The following SYT16 variants were observed in gnomAD, a reference collection of about 807,000 sequenced individuals.
The protein encoded by SYT16 is synaptotagmin-16.
A neutral mutation model predicts 61.4 loss-of-function variants in SYT16; 42 were observed. The ratio of observed to expected loss-of-function variants is 0.68; its 90% CI spans 0.53 to 0.89. The LOEUF is 0.89. Among genes scored for constraint, SYT16 ranks in the 40% least tolerant of loss-of-function variants. SYT16 has a pLI of 0.00. For missense variants in SYT16, 804 were observed against 807.3 expected (o/e 1.00, Z 0.05); for synonymous variants, 314 against 302.3 (o/e 1.04, Z -0.40).
At position 62,042,067 on chromosome 14, in the gene SYT16, C is replaced by T. The variant is rs536210277; in HGVS notation, c.524-27536C>T. Among the ~76,000 whole-genome samples, 5 of 152,212 alleles carry T rather than the reference C, an allele frequency of 3.3e-5. No homozygotes were observed. In the South Asian group the frequency reaches 1.0e-3, roughly 32 times the overall value. Reference sequence around the variant, plus strand: ...ATATAGTAATATAAACTGTCCTTTCCTACTAATTATTCTCTGTGTAATTTC... The same window carrying T: ...ATATAGTAATATAAACTGTCCTTTCTTACTAATTATTCTCTGTGTAATTTC... On this transcript the variant is annotated intron_variant, in intron 3 of 7. Transcript: ENST00000683842.
intron 1 of SYT16, among the ~76,000 whole-genome samples, chr14:61,915,254 C>G (rs1483786234): frequency 6.6e-6 from 1 of 152,070 alleles, no homozygotes; most frequent in Non-Finnish European, 1.5e-5. Flanking sequence ...AAGGGTATAG[C>G]AGTGATGGCA....
chr14:61,995,075 G>A (rs1022531472), intron 2 of SYT16, among the ~76,000 whole-genome samples: 3 of 152,144 alleles, frequency 2.0e-5, no homozygotes, highest in African/African-American at 7.2e-5. Flanking sequence ...ACACACATAT[G>A]TGTATGTATA....
At chr14:62,054,185 C>T (rs1217576984) in intron 3 of SYT16, among the ~76,000 whole-genome samples, 1 of 152,126 alleles carries the variant, frequency 6.6e-6, no homozygotes, top group African/African-American at 2.4e-5. Flanking sequence ...AAAACCTTTT[C>T]CATTTTTCTT....
Position 62,075,193 on chromosome 14 carries a change from C to A in SYT16, c.795C>A (p.Asp265Glu). 1 of 1,613,162 alleles carries A rather than the reference C, an allele frequency of 6.2e-7. No homozygotes were observed. Residue 265 changes from aspartate (D) to glutamate (E), a missense_variant, in exon 5 of 8, where the codon GAC becomes GAA. By Grantham distance (45) the Asp-to-Glu change is conservative. Coordinates refer to ENST00000683842, the MANE Select transcript of SYT16 (RefSeq NM_001367656.1). ...YSENLSYGED[D>E]HIPAHSQSPC... ...AGAATCTCTCCTACGGTGAAGATGA[C>A]CACATCCCTGCTCACTCACAGTCCC...
intron 1 of SYT16, among the ~76,000 whole-genome samples, chr14:61,941,961 T>A (rs2050227849): frequency 6.6e-6 from 1 of 152,182 alleles, no homozygotes; most frequent in Non-Finnish European, 1.5e-5. Context: ...TGGCCATATA[T>A]AAAAAAATAT....
chr14:62,061,173 C>T (rs1005680983), intron 3 of SYT16, among the ~76,000 whole-genome samples: 4 of 152,056 alleles, frequency 2.6e-5, no homozygotes, highest in African/African-American at 9.7e-5. Flanking sequence ...TGATATAACA[C>T]TGGCTTAAAA....
chr14:62,026,339 T>C (rs1262526189), intron 3 of SYT16, among the ~76,000 whole-genome samples: 2 of 152,226 alleles, frequency 1.3e-5, no homozygotes, highest in African/African-American at 4.8e-5. Context: ...AAAAGACATT[T>C]ATTTCTCACA....
intron 7 of SYT16, among the ~76,000 whole-genome samples, chr14:62,096,975 C>A (rs192135773): frequency 6.6e-6 from 1 of 152,034 alleles, no homozygotes; most frequent in Admixed American, 6.5e-5. Flanking sequence ...TTTCCCTTAC[C>A]CTGTATCCCA....
rs368586970 is a variant in SYT16, at chr14:61,996,736, T to C, written c.523+194T>C. On this transcript the variant is annotated intron_variant, in intron 3 of 7. Transcript: ENST00000683842. Reference sequence around the variant, plus strand: ...TATAAAGCTTTGGAGGATCCACGTTTGGGAGTTCCATATTTCAAAACAATA... The same window carrying C: ...TATAAAGCTTTGGAGGATCCACGTTCGGGAGTTCCATATTTCAAAACAATA... Among the ~76,000 whole-genome samples, 9 of 152,234 alleles carry C rather than the reference T, an allele frequency of 5.9e-5. No homozygotes were observed. In the East Asian group the frequency reaches 1.5e-3, roughly 26 times the overall value.
intron 1 of SYT16, among the ~76,000 whole-genome samples, chr14:61,838,677 T>A (rs186848813): frequency 1.3e-3 from 191 of 152,322 alleles, no homozygotes; most frequent in African/African-American, 4.4e-3. Context: ...ACCTTGAAAC[T>A]TCAATTTATT....
At chr14:61,879,628 G>A (rs976452101) in intron 1 of SYT16, among the ~76,000 whole-genome samples, 4 of 152,074 alleles carry the variant, frequency 2.6e-5, no homozygotes, top group African/African-American at 4.8e-5. Flanking sequence ...CCCTCCTGGC[G>A]GGAGCTTCTA....
intron 1 of SYT16, among the ~76,000 whole-genome samples, chr14:61,884,600 T>G (rs1031551196): frequency 6.6e-6 from 1 of 152,198 alleles, no homozygotes; most frequent in Non-Finnish European, 1.5e-5. Context: ...AGTTCTTTGT[T>G]TTTGATGATG....
chr14:61,998,404 T>A (rs927531526), intron 3 of SYT16, among the ~76,000 whole-genome samples: 1 of 151,966 alleles, frequency 6.6e-6, no homozygotes, highest in Non-Finnish European at 1.5e-5. Context: ...TAGCCTCTCT[T>A]GTTTTATCTT....
At chr14:61,933,426 A>G (rs2049854798) in intron 1 of SYT16, among the ~76,000 whole-genome samples, 1 of 152,192 alleles carries the variant, frequency 6.6e-6, no homozygotes, top group African/African-American at 2.4e-5. Flanking sequence ...CCTCTACCCT[A>G]TACTCATCCC....
intron 1 of SYT16, among the ~76,000 whole-genome samples, chr14:61,952,041 G>A (rs2050692914): frequency 6.6e-6 from 1 of 152,038 alleles, no homozygotes; most frequent in African/African-American, 2.4e-5. Context: ...TTCTGCCTCA[G>A]CCTCACAAAG....
At chr14:62,088,664 T>G (rs1357093362) in intron 7 of SYT16, among the ~76,000 whole-genome samples, 1 of 152,162 alleles carries the variant, frequency 6.6e-6, no homozygotes, top group East Asian at 1.9e-4. Flanking sequence ...GCTAATGAAA[T>G]GCATGCTGAA....
chr14:62,080,839 G>A lies in SYT16; in HGVS notation c.999G>A (p.Gln333=). Reference sequence around the variant, plus strand: ...GTTTCCTCTGCCTGCAACAGGAACAGGACAGGACCAATTTGCAGGTGCCAT... The same window carrying A: ...GTTTCCTCTGCCTGCAACAGGAACAAGACAGGACCAATTTGCAGGTGCCAT... ...DSSSMWSPEE[Q]DRTNLQVPSG... Residue 333 remains glutamine, a synonymous_variant, in exon 6 of 8, where the codon CAG becomes CAA. Transcript: ENST00000683842. 1 of 1,595,270 alleles carries A rather than the reference G, an allele frequency of 6.3e-7. No homozygotes were observed. The highest frequency in any genetic ancestry group is 1.3e-5 in the African/African-American group (1 of 74,772).
At position 61,862,641 on chromosome 14, in the gene SYT16, A is replaced by G. The variant is rs372543363; in HGVS notation, c.-325+49831A>G. ...CTACCCTGGCATATCATCATCATCC[A>G]GAGTCCATTAAGGTTCACTCTTGGT... is the stretch of plus-strand genomic sequence containing the variant. On this transcript the variant is annotated intron_variant, in intron 1 of 7. Coordinates refer to ENST00000683842, the MANE Select transcript of SYT16 (RefSeq NM_001367656.1). Among the ~76,000 whole-genome samples, 8 of 152,204 alleles carry G rather than the reference A, an allele frequency of 5.3e-5. No individual in the cohort carries two copies. The East Asian group carries it at 1.2e-3, about 22-fold the overall frequency.
At chr14:61,982,143 C>G (rs2052105412) in intron 2 of SYT16, among the ~76,000 whole-genome samples, 1 of 152,088 alleles carries the variant, frequency 6.6e-6, no homozygotes, top group South Asian at 2.1e-4. Context: ...TTGAAATAGT[C>G]ATAGCATGGA....
Sources: allele counts gnomAD v4.1 joint callset (sites outside exome capture counted in the v4.1 genomes callset), GRCh38; gene constraint gnomAD v4.1.1; transcripts MANE v1.5; gene names NCBI Gene and HGNC (gene_info 2026-07-23, HGNC 2026-07-21).